IDNK: variants seen among roughly 807,000 people sequenced by gnomAD.
IDNK encodes the protein IDNK gluconokinase.
In IDNK, 9 loss-of-function variants were observed where a neutral mutation model predicts 13.0. That is an observed-to-expected ratio of 0.69 (90% CI 0.42 to 1.21). The LOEUF (loss-of-function observed/expected upper bound fraction) is 1.21, where lower values mean the gene tolerates loss of function less well. Among genes scored for constraint, IDNK ranks in the 50% most tolerant of loss-of-function variants. The probability of loss-of-function intolerance (pLI) is 0.00; values close to 1 mark genes in which losing one functional copy is unlikely to be tolerated. For missense variants in IDNK, 210 were observed against 237.8 expected, an observed-to-expected ratio of 0.88 and a Z score of 0.77; for synonymous variants, 92 against 94.9, an observed-to-expected ratio of 0.97 and a Z score of 0.18.
chr9:83,642,163 C>A (rs952454489), intron 4 of IDNK, among the ~76,000 whole-genome samples: 10 of 152,158 alleles, frequency 6.6e-5, no homozygotes, highest in Non-Finnish European at 1.2e-4. Flanking sequence ...GGGTCCCCCC[C>A]CAACAGCACC....
At chr9:83,639,577 T>C (rs1831247626) in intron 3 of IDNK, among the ~76,000 whole-genome samples, 1 of 151,972 alleles carries the variant, frequency 6.6e-6, no homozygotes, top group Non-Finnish European at 1.5e-5. Flanking sequence ...ACAATTGAGA[T>C]GAATAATGAA....
chr9:83,631,443 CA>C (rs1564146493), intron 3 of IDNK, among the ~76,000 whole-genome samples: 1 of 20,476 alleles, frequency 4.9e-5, no homozygotes, highest in African/African-American at 1.9e-4. Context: ...CCTGCCTCTA[CA>C]AAAACTGAAA....
At chr9:83,624,237 G>A (rs1369606906) in intron 1 of IDNK, among the ~76,000 whole-genome samples, 6 of 152,216 alleles carry the variant, frequency 3.9e-5, no homozygotes, top group Non-Finnish European at 7.3e-5. Context: ...ATGGTGTGAT[G>A]TAACAGGAGT....
intron 2 of IDNK, among the ~76,000 whole-genome samples, chr9:83,628,640 G>T (rs1209352832): frequency 6.9e-6 from 1 of 144,480 alleles, no homozygotes; most frequent in African/African-American, 2.5e-5. Flanking sequence ...GACAGAGTGA[G>T]ACTACATTTC....
intron 1 of IDNK, among the ~76,000 whole-genome samples, chr9:83,627,271 A>C (rs2131618590): frequency 6.6e-6 from 1 of 152,316 alleles, no homozygotes; most frequent in East Asian, 1.9e-4. Flanking sequence ...GAAAGCGAGA[A>C]AGCACTTTAT....
chr9:83,637,699 G>C (rs911010135), intron 3 of IDNK, among the ~76,000 whole-genome samples: 1 of 152,198 alleles, frequency 6.6e-6, no homozygotes, highest in African/African-American at 2.4e-5. Flanking sequence ...TAAAAGCCAG[G>C]AGAGCAGGAG....
chr9:83,627,948 C>A, intron 1 of IDNK: 9 of 1,201,576 alleles, frequency 7.5e-6, no homozygotes, highest in Non-Finnish European at 9.6e-6. Flanking sequence ...TATATATTGC[C>A]TTTAGAGAAA....
At chr9:83,633,891 A>C (rs1298561819) in intron 3 of IDNK, among the ~76,000 whole-genome samples, 4 of 152,218 alleles carry the variant, frequency 2.6e-5, no homozygotes, top group African/African-American at 9.6e-5. Flanking sequence ...TGTTAAATTG[A>C]GAGAAAAGGG....
At chr9:83,623,056 G>A (rs1830741025), upstream of IDNK, 2 of 719,574 alleles carry the variant, frequency 2.8e-6, no homozygotes, top group Admixed American at 8.7e-5. Context: ...GGAGGGCGCA[G>A]AGGGGCACGG....
chr9:83,638,804 T>C (rs192870019), intron 3 of IDNK, among the ~76,000 whole-genome samples: 2 of 151,466 alleles, frequency 1.3e-5, no homozygotes, highest in Non-Finnish European at 2.9e-5. Flanking sequence ...TATTCACAAG[T>C]AAGCACAAAA....
chr9:83,641,300 T>C (rs886955621), intron 3 of IDNK, among the ~76,000 whole-genome samples: 5 of 152,114 alleles, frequency 3.3e-5, no homozygotes, highest in African/African-American at 9.7e-5. Context: ...GGGAGATTAA[T>C]ATGGGGAGAT....
At chr9:83,632,691 G>A (rs761255550) in intron 3 of IDNK, among the ~76,000 whole-genome samples, 1 of 152,110 alleles carries the variant, frequency 6.6e-6, no homozygotes, top group Non-Finnish European at 1.5e-5. Context: ...TTGATCTGGA[G>A]TGTGAAAACC....
At chr9:83,626,102 C>T (rs1304498162) in intron 1 of IDNK, among the ~76,000 whole-genome samples, 3 of 152,178 alleles carry the variant, frequency 2.0e-5, no homozygotes, top group Non-Finnish European at 4.4e-5. Flanking sequence ...TTCCTTCTCC[C>T]CCATTGGTCT....
At chr9:83,641,857 T>G (rs1028765712) in intron 4 of IDNK, among the ~76,000 whole-genome samples, 3 of 152,208 alleles carry the variant, frequency 2.0e-5, no homozygotes, top group Non-Finnish European at 2.9e-5. Context: ...TTGGTTTCCA[T>G]AAGTCTGTTT....
At chr9:83,625,126 C>T (rs984207447) in intron 1 of IDNK, among the ~76,000 whole-genome samples, 61 of 152,176 alleles carry the variant, frequency 4.0e-4, no homozygotes, top group African/African-American at 1.4e-3. Flanking sequence ...TGGTCATATG[C>T]TGGCAATATT....
intron 1 of IDNK, among the ~76,000 whole-genome samples, chr9:83,624,701 CTTT>C (rs1209321017): frequency 1.7e-5 from 2 of 115,198 alleles, no homozygotes; most frequent in Admixed American, 1.9e-4. Context: ...GGCTTAGCTT[CTTT>C]TGTTTTTTTT....
In IDNK at chr9:83,643,598, T is replaced by C. The variant is rs763741001; in HGVS notation, c.382T>C (p.Phe128Leu). 17 of 1,613,770 alleles carry C rather than the reference T, an allele frequency of 1.1e-5. No individual in the cohort carries two copies. The East Asian group carries it at 3.6e-4, about 34-fold the overall frequency. ...CCTGGTGGTCCATCTGAGCGGGTCG[T>C]TTGAGGTCATCTCTGGACGCTTACT... ...QLLVVHLSGSFEVISGRLLKR... is the reference protein window; with the variant it reads ...QLLVVHLSGSLEVISGRLLKR... The change falls in exon 5 of 5, where the codon TTT (phenylalanine) becomes CTT (leucine). Residue 128 changes from phenylalanine (F) to leucine (L), a missense_variant. Transcript: ENST00000376419.
chr9:83,627,964 A>T (rs2131619659), intron 1 of IDNK: 1 of 1,275,528 alleles, frequency 7.8e-7, no homozygotes, highest in African/African-American at 1.5e-5. Flanking sequence ...AGAAAGAAAT[A>T]GTGTTAACTA....
At chr9:83,628,834 T>C (rs781188491) in intron 2 of IDNK, 39 bp from the exon 3 acceptor site, 3 of 1,430,954 alleles carry the variant, frequency 2.1e-6, no homozygotes, top group South Asian at 2.3e-5. Context: ...CATTGGCCCA[T>C]CTGCCTGCCA....
Sources: allele counts gnomAD v4.1 joint callset (sites outside exome capture counted in the v4.1 genomes callset), GRCh38; gene constraint gnomAD v4.1.1; transcripts MANE v1.5; gene names NCBI Gene and HGNC (gene_info 2026-07-23, HGNC 2026-07-21).